CNTNAP2: variants seen among roughly 807,000 people sequenced by gnomAD.
CNTNAP2 encodes contactin-associated protein-like 2.
Under a neutral mutation model 155.2 loss-of-function variants are expected in CNTNAP2, and 98 were observed. The ratio of observed to expected loss-of-function variants is 0.63; its 90% CI spans 0.54 to 0.75. The LOEUF is 0.75. Ranked by LOEUF, CNTNAP2 falls within the 30% of genes least tolerant of loss-of-function variation. The probability of loss-of-function intolerance (pLI) is 0.00; values close to 1 mark genes in which losing one functional copy is unlikely to be tolerated. For missense variants in CNTNAP2, 1,727 were observed against 1,688.1 expected (o/e 1.02, Z -0.40); for synonymous variants, 651 against 631.2 (o/e 1.03, Z -0.47).
At chr7:146,725,762 C>T (rs139982166) in intron 1 of CNTNAP2, among the ~76,000 whole-genome samples, 1,722 of 152,156 alleles carry the variant, frequency 0.011, 29 homozygotes, top group African/African-American at 0.039. Flanking sequence ...ACTCAGCATG[C>T]GGGAGGAACA....
intron 3 of CNTNAP2, among the ~76,000 whole-genome samples, chr7:146,907,063 T>C (rs919500877): frequency 2.7e-5 from 4 of 150,400 alleles, no homozygotes; most frequent in African/African-American, 9.8e-5. Flanking sequence ...CGATGGAAGA[T>C]GAAATGAATG....
chr7:146,729,732 G>T (rs1801492175), intron 1 of CNTNAP2, among the ~76,000 whole-genome samples: 1 of 151,924 alleles, frequency 6.6e-6, no homozygotes, highest in African/African-American at 2.4e-5. Flanking sequence ...TCTCTTTATT[G>T]TTTACATCCA....
At chr7:146,909,204 A>G (rs1196052518) in intron 3 of CNTNAP2, among the ~76,000 whole-genome samples, 1 of 150,726 alleles carries the variant, frequency 6.6e-6, no homozygotes, top group East Asian at 2.0e-4. Flanking sequence ...ATGGATTCAC[A>G]GCCGAATTCT....
intron 20 of CNTNAP2, among the ~76,000 whole-genome samples, chr7:148,265,305 A>G (rs955046550): frequency 2.6e-5 from 4 of 151,976 alleles, no homozygotes; most frequent in African/African-American, 9.7e-5. Flanking sequence ...ACAGGGTCTC[A>G]CTCTGTCACC....
At chr7:146,916,273 T>C (rs964686434) in intron 3 of CNTNAP2, among the ~76,000 whole-genome samples, 1 of 152,134 alleles carries the variant, frequency 6.6e-6, no homozygotes, top group African/African-American at 2.4e-5. Context: ...TATTGGTCTA[T>C]AGTTTTCCAT....
intron 1 of CNTNAP2, among the ~76,000 whole-genome samples, chr7:146,543,878 T>TA (rs1797990297): frequency 6.6e-6 from 1 of 151,916 alleles, no homozygotes; most frequent in South Asian, 2.1e-4. Flanking sequence ...TCTTACTTAT[T>TA]TATTCATTCA....
In CNTNAP2 at chr7:146,160,621, G is replaced by A. The variant is rs184864487; in HGVS notation, c.97+43648G>A. Among the ~76,000 whole-genome samples, 14 of 152,182 alleles carry A rather than the reference G, an allele frequency of 9.2e-5. No homozygotes were observed. In the South Asian group the frequency reaches 1.7e-3, roughly 18 times the overall value. On this transcript the variant is annotated intron_variant, in intron 1 of 23. Transcript: ENST00000361727. ...ATCTAGCAGAAATGGATAAACTCCTGGACACATATACCCTCCCAAGACTTA... is the reference window on the plus strand; with the variant it reads ...ATCTAGCAGAAATGGATAAACTCCTAGACACATATACCCTCCCAAGACTTA...
rs2116847735 is a variant in CNTNAP2 at position 147,965,115 on chromosome 7, A to G, written c.2256-12747A>G. ...AGGTGCTCCTTGTTCACTGCAACTG[A>G]AATGAGAGGACCCTGGAGTGTAACT... On this transcript the variant is annotated intron_variant, in intron 14 of 23. Transcript: ENST00000361727. Among the ~76,000 whole-genome samples, 3 of 152,300 alleles carry G rather than the reference A, an allele frequency of 2.0e-5. No individual in the cohort carries two copies. The Middle Eastern group carries it at 0.01, about 518-fold the overall frequency.
intron 13 of CNTNAP2, among the ~76,000 whole-genome samples, chr7:147,693,625 TCTTA>T (rs1284951854): frequency 5.3e-5 from 8 of 152,042 alleles, no homozygotes; most frequent in East Asian, 1.9e-4. Context: ...GAATTTCAAA[TCTTA>T]CTTATTTATT....
At chr7:147,048,368 T>A (rs1799409208) in intron 4 of CNTNAP2, among the ~76,000 whole-genome samples, 1 of 152,150 alleles carries the variant, frequency 6.6e-6, no homozygotes, top group Non-Finnish European at 1.5e-5. Context: ...AAAAGGCAGA[T>A]TTTTCTCTGG....
At chr7:147,571,988 T>C (rs1469752929) in intron 12 of CNTNAP2, among the ~76,000 whole-genome samples, 1 of 152,226 alleles carries the variant, frequency 6.6e-6, no homozygotes, top group Non-Finnish European at 1.5e-5. Context: ...TATAAACCTT[T>C]GTAATCACTC....
intron 1 of CNTNAP2, among the ~76,000 whole-genome samples, chr7:146,474,719 T>C (rs1796849258): frequency 2.0e-5 from 3 of 152,232 alleles, no homozygotes; most frequent in Admixed American, 2.0e-4. Context: ...TTGTATTTTA[T>C]TTAAGAATTA....
intron 4 of CNTNAP2, among the ~76,000 whole-genome samples, chr7:147,059,291 G>A (rs1004299421): frequency 2.0e-5 from 3 of 152,136 alleles, no homozygotes; most frequent in African/African-American, 7.2e-5. Context: ...TTTGGAGGAT[G>A]TTTTATTGCA....
chr7:146,406,719 A>G (rs802194), intron 1 of CNTNAP2, among the ~76,000 whole-genome samples: 68,000 of 152,028 alleles, frequency 0.45, 18,379 homozygotes, highest in African/African-American at 0.76. Flanking sequence ...TCTGGGGACT[A>G]CCTTGAGTCA....
At chr7:146,694,688 G>T (rs1033349112) in intron 1 of CNTNAP2, among the ~76,000 whole-genome samples, 3 of 152,130 alleles carry the variant, frequency 2.0e-5, no homozygotes, top group African/African-American at 7.2e-5. Flanking sequence ...AATTTGGGAA[G>T]AATTCAGGTT....
intron 13 of CNTNAP2, among the ~76,000 whole-genome samples, chr7:147,886,475 CAAAAAAAAAAA>C (rs532837902): frequency 0.1 from 4,026 of 39,768 alleles, 133 homozygotes; most frequent in Non-Finnish European, 0.13. Flanking sequence ...AACTCCATCT[CAAAAAAAAAAA>C]AAAAAAAAAA....
At chr7:146,771,909 A>G (rs1344861601) in intron 1 of CNTNAP2, among the ~76,000 whole-genome samples, 1 of 152,150 alleles carries the variant, frequency 6.6e-6, no homozygotes, top group Non-Finnish European at 1.5e-5. Flanking sequence ...CTGAGCATAA[A>G]CATTTGTGGG....
chr7:146,822,773 A>G lies in CNTNAP2; in HGVS notation c.209-16938A>G, dbSNP rs948588478. On this transcript the variant is annotated intron_variant, in intron 2 of 23. Coordinates refer to ENST00000361727, the MANE Select transcript of CNTNAP2 (RefSeq NM_014141.6). ...TGTATACTTAAGAATATTTATAAAT[A>G]TACTCATTCTTCAGCATATTTAAAT... Among the ~76,000 whole-genome samples the G allele has an allele frequency of 2.5e-4, 37 of 148,160 alleles. 1 individual carries two copies. The highest frequency in any genetic ancestry group is 4.2e-4 in the South Asian group (2 of 4,760).
intron 18 of CNTNAP2, among the ~76,000 whole-genome samples, chr7:148,192,174 C>T (rs972772500): frequency 2.0e-5 from 3 of 152,098 alleles, no homozygotes; most frequent in Non-Finnish European, 4.4e-5. Flanking sequence ...TTGTTGCATG[C>T]ATGGATTACA....
Sources: gnomAD v4.1 joint callset for allele counts (sites outside exome capture counted in the v4.1 genomes callset) on GRCh38, gnomAD v4.1.1 for gene constraint, MANE v1.5 for transcripts, NCBI Gene and HGNC (gene_info 2026-07-23, HGNC 2026-07-21) for gene names.